Variants in IL23R observed in about 807,000 individuals in gnomAD.
IL23R encodes interleukin 23 receptor, also known as interleukin-23 receptor.
IL23R carries 34 observed loss-of-function variants against 56.9 expected under a neutral mutation model. That is an observed-to-expected ratio of 0.60 (90% confidence interval 0.45 to 0.80). The LOEUF is 0.80. IL23R is among the 30% of genes least tolerant of loss of function. The pLI is 0.00. For synonymous variants in IL23R, 230 were observed against 249.2 expected (o/e 0.92, Z 0.73); for missense variants, 635 against 730.0 (o/e 0.87, Z 1.50).
intron 7 of IL23R, among the ~76,000 whole-genome samples, chr1:67,222,407 G>A (rs966929953): frequency 7.9e-5 from 12 of 152,174 alleles, no homozygotes; most frequent in African/African-American, 2.4e-4. Context: ...GTGAGCCATG[G>A]CACCCAGCCA....
chr1:67,242,155 C>T (rs1046158908), intron 9 of IL23R, among the ~76,000 whole-genome samples: 1 of 152,150 alleles, frequency 6.6e-6, no homozygotes, highest in Non-Finnish European at 1.5e-5. Context: ...AAATGATGCC[C>T]TGCTAGAAGA....
At chr1:67,254,174 T>G (rs1652813606) in intron 9 of IL23R, among the ~76,000 whole-genome samples, 1 of 152,018 alleles carries the variant, frequency 6.6e-6, no homozygotes, top group African/African-American at 2.4e-5. Context: ...GTTCAAGTGA[T>G]TCTCATGCCT....
At chr1:67,232,098 C>A (rs1485563575) in intron 7 of IL23R, among the ~76,000 whole-genome samples, 1 of 152,128 alleles carries the variant, frequency 6.6e-6, no homozygotes, top group Non-Finnish European at 1.5e-5. Flanking sequence ...CCAACATACA[C>A]AAAAGACTGT....
intron 1 of IL23R, among the ~76,000 whole-genome samples, chr1:67,151,357 T>C (rs1646726817): frequency 6.6e-6 from 1 of 152,246 alleles, no homozygotes; most frequent in Non-Finnish European, 1.5e-5. Flanking sequence ...TAGACCTTTG[T>C]CAGATGGGTA....
At chr1:67,204,769 A>AT (rs5774856) in intron 5 of IL23R, among the ~76,000 whole-genome samples, 56,624 of 143,602 alleles carry the variant, frequency 0.39, 12,415 homozygotes, top group African/African-American at 0.59. Context: ...CTCAATACTG[A>AT]TTTTTTTTTT....
At chr1:67,154,172 TC>T (rs1646752850) in intron 1 of IL23R, among the ~76,000 whole-genome samples, 1 of 152,218 alleles carries the variant, frequency 6.6e-6, no homozygotes, top group Non-Finnish European at 1.5e-5. Context: ...GTGTTTTACT[TC>T]CAATTATGTG....
intron 7 of IL23R, among the ~76,000 whole-genome samples, chr1:67,228,044 T>TTTCTTTC (rs1650806429): frequency 2.4e-5 from 1 of 41,140 alleles, no homozygotes; most frequent in African/African-American, 1.4e-4. Flanking sequence ...TCTTTCTTTC[T>TTTCTTTC]CTTTCTTTCT....
At chr1:67,200,118 C>T (rs1417546938) in intron 4 of IL23R, among the ~76,000 whole-genome samples, 3 of 152,194 alleles carry the variant, frequency 2.0e-5, no homozygotes, top group East Asian at 1.9e-4. Context: ...CGGCTCACTG[C>T]AAGCTCCTCC....
chr1:67,139,741 C>G (rs1456004486), intron 1 of IL23R, among the ~76,000 whole-genome samples: 1 of 152,104 alleles, frequency 6.6e-6, no homozygotes, highest in African/African-American at 2.4e-5. Context: ...TAAAGTCTTG[C>G]TATGTTGCCT....
At chr1:67,194,646 T>C (rs996866867) in intron 4 of IL23R, among the ~76,000 whole-genome samples, 3 of 152,210 alleles carry the variant, frequency 2.0e-5, no homozygotes, top group African/African-American at 7.2e-5. Flanking sequence ...AGTTTGAAAA[T>C]ACATTTCCAT....
At chr1:67,237,022 A>G (rs1651521659) in intron 8 of IL23R, among the ~76,000 whole-genome samples, 1 of 152,080 alleles carries the variant, frequency 6.6e-6, no homozygotes, top group South Asian at 2.1e-4. Flanking sequence ...TAGATTGTAT[A>G]CATTTTTTAA....
At chr1:67,218,234 A>G (rs1444548232) in intron 6 of IL23R, among the ~76,000 whole-genome samples, 1 of 151,350 alleles carries the variant, frequency 6.6e-6, no homozygotes, top group African/African-American at 2.4e-5. Flanking sequence ...TCTCAGTTCA[A>G]CTTTCTTAAT....
intron 3 of IL23R, among the ~76,000 whole-genome samples, chr1:67,182,474 G>C (rs932339199): frequency 2.6e-5 from 4 of 152,188 alleles, no homozygotes; most frequent in African/African-American, 9.7e-5. Context: ...CATTTGCTGA[G>C]ACTGTCGGAA....
chr1:67,233,424 G>A (rs553452479), intron 7 of IL23R, among the ~76,000 whole-genome samples: 20 of 152,050 alleles, frequency 1.3e-4, no homozygotes, highest in Admixed American at 8.5e-4. Flanking sequence ...AGACTAGTAC[G>A]GTTGATGTAG....
At chr1:67,174,156 T>A (rs1443611270) in intron 3 of IL23R, among the ~76,000 whole-genome samples, 2 of 152,128 alleles carry the variant, frequency 1.3e-5, no homozygotes, top group Admixed American at 1.3e-4. Flanking sequence ...AACATTTCAA[T>A]AAGGATGCAT....
At chr1:67,237,772 A>T (rs537317900) in intron 8 of IL23R, among the ~76,000 whole-genome samples, 13 of 152,332 alleles carry the variant, frequency 8.5e-5, no homozygotes, top group African/African-American at 3.1e-4. Flanking sequence ...TGACTATTTC[A>T]CCATTGACCA....
intron 1 of IL23R, among the ~76,000 whole-genome samples, chr1:67,147,806 T>C (rs985748856): frequency 7.2e-5 from 11 of 152,364 alleles, no homozygotes; most frequent in African/African-American, 2.2e-4. Flanking sequence ...TTACTGTGTT[T>C]GTATCCAATG....
At chr1:67,262,957 T>C (rs978493755), downstream of IL23R, among the ~76,000 whole-genome samples, 1 of 152,102 alleles carries the variant, frequency 6.6e-6, no homozygotes, top group African/African-American at 2.4e-5. Context: ...TATCGTTTCC[T>C]CCTGCTCTAG....
chr1:67,231,046 A>C (rs972063130), intron 7 of IL23R, among the ~76,000 whole-genome samples: 6 of 152,186 alleles, frequency 3.9e-5, no homozygotes, highest in Non-Finnish European at 5.9e-5. Context: ...TTAAAAAAAA[A>C]CACATCCTTT....
Sources: gnomAD v4.1 joint callset for allele counts (sites outside exome capture counted in the v4.1 genomes callset) on GRCh38, gnomAD v4.1.1 for gene constraint, MANE v1.5 for transcripts, NCBI Gene and HGNC (gene_info 2026-07-23, HGNC 2026-07-21) for gene names.